MTUS1: variants seen among roughly 807,000 people sequenced by gnomAD.
MTUS1 encodes the protein microtubule associated scaffold protein 1.
Under a neutral mutation model 120.8 loss-of-function variants are expected in MTUS1, and 109 were observed. The ratio of observed to expected loss-of-function variants is 0.90; its 90% CI spans 0.77 to 1.06. The LOEUF (loss-of-function observed/expected upper bound fraction) is 1.06. Among genes scored for constraint, MTUS1 ranks in the 50% least tolerant of loss-of-function variants. The probability of loss-of-function intolerance (pLI) is 0.00; values close to 1 mark genes in which losing one functional copy is unlikely to be tolerated. For synonymous variants in MTUS1, 737 were observed against 550.5 expected (o/e 1.34, Z -4.74); for missense variants, 2,210 against 1,486.3 (o/e 1.49, Z -8.01).
chr8:17,650,793 G>A (rs938377318), intron 12 of MTUS1, among the ~76,000 whole-genome samples: 5 of 152,122 alleles, frequency 3.3e-5, no homozygotes, highest in Admixed American at 6.5e-5. Flanking sequence ...TCCCACCACC[G>A]CCCACCCACT....
chr8:17,793,578 C>T (rs2051974965), intron 1 of MTUS1, among the ~76,000 whole-genome samples: 1 of 152,064 alleles, frequency 6.6e-6, no homozygotes, highest in African/African-American at 2.4e-5. Context: ...AAAATGTACC[C>T]AGCATCCGAA....
chr8:17,721,945 T>C lies in MTUS1; in HGVS notation c.2449+1727A>G, dbSNP rs1407641423. 3.2e-6 allele frequency: 5 copies of C among 1,582,830 alleles called. No individual in the cohort carries two copies. The South Asian group carries it at 4.7e-5, about 15-fold the overall frequency. ...GCTTAAGCAGGAAAAACTGCAGCCA[T>C]GTTCACTCTCATATCCCTCATGCTT... On this transcript the variant is annotated intron_variant, in intron 4 of 14. Coordinates refer to ENST00000693296, the MANE Select transcript of MTUS1 (RefSeq NM_001363059.2).
rs1215892537 is a variant in MTUS1 at position 17,646,093 on chromosome 8, C to A, written c.3646G>T (p.Glu1216Ter). 1 of 1,613,256 alleles carries A rather than the reference C, an allele frequency of 6.2e-7. No individual in the cohort carries two copies. Among genetic ancestry groups the A allele is most frequent in the African/African-American group, 1.3e-5 (1 of 74,838 alleles). Residue 1216 changes from glutamate to a stop codon, truncating the protein, a stop_gained, in exon 15 of 15, where the codon GAG becomes TAG. Coordinates refer to ENST00000693296, the MANE Select transcript of MTUS1 (RefSeq NM_001363059.2). LOFTEE classifies it high-confidence loss of function. Reference sequence around the variant, plus strand: ...GAGAGTCGCTTGTTGACTTTCGACTCCTTCTCCAGCGACTCTTGCAGAACA... The same window carrying A: ...GAGAGTCGCTTGTTGACTTTCGACTACTTCTCCAGCGACTCTTGCAGAACA... ...QAVLQESLEK[E>*]SKVNKRLSME...
chr8:17,801,122 T>C (rs1586489263), upstream of MTUS1, among the ~76,000 whole-genome samples: 1 of 151,502 alleles, frequency 6.6e-6, no homozygotes, highest in African/African-American at 2.4e-5. Flanking sequence ...TGGCGCCCTT[T>C]GCACCACTGG....
chr8:17,710,188 G>GT, intron 6 of MTUS1, among the ~76,000 whole-genome samples: 1 of 152,144 alleles, frequency 6.6e-6, no homozygotes, highest in East Asian at 1.9e-4. Flanking sequence ...GCAATTTAAA[G>GT]TAAGACAGCA....
intron 1 of MTUS1, among the ~76,000 whole-genome samples, chr8:17,796,274 G>A (rs1367640535): frequency 6.6e-6 from 1 of 152,304 alleles, no homozygotes; most frequent in African/African-American, 2.4e-5. Context: ...TTTAGATATG[G>A]GCCTGCTAGC....
At chr8:17,763,360 C>T (rs753858510) in intron 1 of MTUS1, among the ~76,000 whole-genome samples, 1 of 152,144 alleles carries the variant, frequency 6.6e-6, no homozygotes, top group Admixed American at 6.5e-5. Flanking sequence ...TTGAATGCTG[C>T]TCTCAAGACA....
intron 6 of MTUS1, among the ~76,000 whole-genome samples, chr8:17,710,964 C>A (rs1821159551): frequency 6.6e-6 from 1 of 152,146 alleles, no homozygotes; most frequent in Non-Finnish European, 1.5e-5. Context: ...TGTCAGTCGG[C>A]AGTAGTATTT....
At chr8:17,738,628 C>T (rs1258559657) in intron 3 of MTUS1, among the ~76,000 whole-genome samples, 1 of 152,132 alleles carries the variant, frequency 6.6e-6, no homozygotes, top group African/African-American at 2.4e-5. Flanking sequence ...CATAGGTAAA[C>T]ATGGGCCATG....
At chr8:17,656,111 G>C in intron 8 of MTUS1, 46 bp from the exon 9 acceptor site, 1 of 1,545,042 alleles carries the variant, frequency 6.5e-7, no homozygotes, top group Non-Finnish European at 8.9e-7. Context: ...TTTTATTTGT[G>C]AAATGTCCTA....
intron 1 of MTUS1, among the ~76,000 whole-genome samples, chr8:17,757,806 CAT>C (rs1475933651): frequency 1.3e-5 from 2 of 152,152 alleles, no homozygotes; most frequent in African/African-American, 4.8e-5. Context: ...GGATTACAGG[CAT>C]GAGCCACCAC....
At position 17,755,802 on chromosome 8, in the gene MTUS1, A is replaced by G; in HGVS notation, c.6T>C (p.Thr2=). The G allele has an allele frequency of 6.2e-7, 1 of 1,612,182 alleles. No individual in the cohort carries two copies. The highest frequency in any genetic ancestry group is 2.2e-5 in the East Asian group (1 of 44,878). Residue 2 remains threonine, a synonymous_variant, in exon 2 of 15, where the codon ACT becomes ACC. Transcript: ENST00000693296. ...CTATTTTATCATCTGAATTATCATC[A>G]GTCATCCTGAATAGTAACCTTAAAC... M[T]DDNSDDKIED...
chr8:17,774,138 T>C (rs1261443024), intron 1 of MTUS1, among the ~76,000 whole-genome samples: 1 of 152,210 alleles, frequency 6.6e-6, no homozygotes, highest in Non-Finnish European at 1.5e-5. Context: ...CTCGTTTTCC[T>C]AGATAAACGC....
Position 17,644,206 on chromosome 8 carries a change from C to A in MTUS1, c.*1720G>T, listed in dbSNP as rs1356486281. 6.6e-6 allele frequency: 1 copy of A among 152,340 alleles called. No homozygotes were observed. The highest frequency in any genetic ancestry group is 1.5e-5 in the Non-Finnish European group (1 of 68,028). 9.4% of individuals were successfully genotyped at this position (152,340 alleles called of 1,614,324 possible). Reference sequence around the variant, plus strand: ...AACCTACATTTCCATTTATCAGAAGCAAACATGGAAGGTTACATACATGAT... The same window carrying A: ...AACCTACATTTCCATTTATCAGAAGAAAACATGGAAGGTTACATACATGAT... On this transcript the variant is annotated 3_prime_UTR_variant, in exon 15 of 15. Coordinates refer to ENST00000693296, the MANE Select transcript of MTUS1 (RefSeq NM_001363059.2).
At chr8:17,750,828 G>C (rs533435593) in intron 2 of MTUS1, among the ~76,000 whole-genome samples, 4 of 152,242 alleles carry the variant, frequency 2.6e-5, no homozygotes, top group African/African-American at 7.2e-5. Flanking sequence ...ACACTATCAT[G>C]AACACATAAC....
At chr8:17,786,139 C>G (rs1050960601) in intron 1 of MTUS1, among the ~76,000 whole-genome samples, 3 of 152,042 alleles carry the variant, frequency 2.0e-5, no homozygotes, top group African/African-American at 7.2e-5. Context: ...GACCCCATCT[C>G]TGGAAAAAAC....
intron 1 of MTUS1, among the ~76,000 whole-genome samples, chr8:17,769,905 CACACACACACACACACACACA>C (rs2049890932): frequency 8.1e-6 from 1 of 123,728 alleles, no homozygotes; most frequent in Non-Finnish European, 1.8e-5. Flanking sequence ...CACACACACA[CACACACACACACACACACACA>C]CGGGGGGGGT....
At chr8:17,646,379 G>A (rs1563549890) in intron 14 of MTUS1, among the ~76,000 whole-genome samples, 1 of 152,072 alleles carries the variant, frequency 6.6e-6, no homozygotes, top group Admixed American at 6.6e-5. Context: ...CTTGAGGCCA[G>A]GAGTTCAAGA....
intron 3 of MTUS1, among the ~76,000 whole-genome samples, chr8:17,741,929 T>C (rs754800664): frequency 6.6e-6 from 1 of 152,152 alleles, no homozygotes; most frequent in African/African-American, 2.4e-5. Context: ...AGGCAGCGTA[T>C]TGGGGCCAGA....
Sources: gnomAD v4.1 joint callset for allele counts (sites outside exome capture counted in the v4.1 genomes callset) on GRCh38, gnomAD v4.1.1 for gene constraint, MANE v1.5 for transcripts, NCBI Gene and HGNC (gene_info 2026-07-23, HGNC 2026-07-21) for gene names.